Variants in NEK10 observed in about 807,000 individuals in gnomAD.
NEK10 encodes the protein NIMA related kinase 10, also known as serine/threonine-protein kinase Nek10.
NEK10 carries 122 observed loss-of-function variants against 159.8 expected under a neutral mutation model. The observed-to-expected ratio is 0.76, with a 90% CI of 0.66 to 0.89. The LOEUF (loss-of-function observed/expected upper bound fraction) is 0.89. Ranked by LOEUF, NEK10 falls within the 40% of genes least tolerant of loss-of-function variation. The pLI is 0.00. For missense variants in NEK10, 1,342 were observed against 1,323.1 expected (o/e 1.01, Z -0.22); for synonymous variants, 466 against 457.1 (o/e 1.02, Z -0.25).
intron 1 of NEK10, among the ~76,000 whole-genome samples, chr3:27,364,032 C>G (rs182339852): frequency 7.9e-5 from 12 of 151,734 alleles, no homozygotes; most frequent in Admixed American, 7.9e-4. Context: ...TCTTTAGAAC[C>G]GTCAACAACT....
chr3:27,299,204 C>T (rs2043605381), intron 13 of NEK10, among the ~76,000 whole-genome samples: 1 of 152,176 alleles, frequency 6.6e-6, no homozygotes, highest in Admixed American at 6.5e-5. Flanking sequence ...GGTCCCTCTG[C>T]TGTGCGCAGT....
At position 27,246,586 on chromosome 3, in the gene NEK10, ATAAT is replaced by A. The variant is rs554805047; in HGVS notation, c.2090+9706_2090+9709del. Among the ~76,000 whole-genome samples the A allele has an allele frequency of 4.5e-3, 681 of 152,266 alleles. 2 individuals carry two copies. Among genetic ancestry groups the A allele is most frequent in the African/African-American group, 0.015 (625 of 41,540 alleles). ...TACTCTTTCAGTTATTGTAAAATGT[ATAAT>A]TAAATTTTTTTAACTATAGTCACCC... On this transcript the variant is annotated intron_variant, in intron 23 of 35. Transcript: ENST00000691995.
intron 30 of NEK10, among the ~76,000 whole-genome samples, chr3:27,145,362 T>C (rs1448376116): frequency 1.3e-5 from 2 of 152,184 alleles, no homozygotes; most frequent in African/African-American, 2.4e-5. Context: ...GTTTAAAATA[T>C]TGGGATACTT....
chr3:27,263,873 T>G (rs1207044609), intron 22 of NEK10, among the ~76,000 whole-genome samples: 2 of 152,164 alleles, frequency 1.3e-5, no homozygotes, highest in African/African-American at 4.8e-5. Flanking sequence ...AGTACCTCAG[T>G]TGGAAATGCA....
chr3:27,331,262 A>ACAAAAAAAC (rs1553639045), intron 5 of NEK10, among the ~76,000 whole-genome samples: 7 of 110,076 alleles, frequency 6.4e-5, no homozygotes, highest in Non-Finnish European at 1.2e-4. Context: ...AAAAAAAAAA[A>ACAAAAAAAC]ACACACAAAC....
chr3:27,151,412 A>G (rs1944859152), intron 30 of NEK10, among the ~76,000 whole-genome samples: 1 of 152,092 alleles, frequency 6.6e-6, no homozygotes, highest in South Asian at 2.1e-4. Context: ...CACAACAATC[A>G]CTGAGGTTCA....
At chr3:27,251,604 G>C (rs1559363650) in intron 23 of NEK10, among the ~76,000 whole-genome samples, 1 of 152,266 alleles carries the variant, frequency 6.6e-6, no homozygotes, top group East Asian at 1.9e-4. Flanking sequence ...CCAGCGTCAT[G>C]CTTCCTGTGC....
chr3:27,175,697 C>G (rs150092985), intron 26 of NEK10, among the ~76,000 whole-genome samples: 96 of 152,270 alleles, frequency 6.3e-4, no homozygotes, highest in African/African-American at 2.3e-3. Flanking sequence ...GCGTGAAGAG[C>G]CTTTTTAGGC....
chr3:27,162,132 A>G, intron 30 of NEK10: 2 of 257,952 alleles, frequency 7.8e-6, no homozygotes, highest in South Asian at 8.3e-5. Flanking sequence ...TGTAGAGTTT[A>G]CAGAAATACC....
Position 27,192,117 on chromosome 3 carries a change from T to A in NEK10, c.2417A>T (p.Glu806Val). 6.2e-7 allele frequency: 1 copy of A among 1,614,210 alleles called. No individual in the cohort carries two copies. Among genetic ancestry groups the A allele is most frequent in the Non-Finnish European group, 8.5e-7 (1 of 1,180,024 alleles). Residue 806 changes from glutamate (E) to valine (V), a missense_variant, in exon 26 of 36, where the codon GAA becomes GTA. Physicochemically the swap from Glu to Val is moderately radical, Grantham distance 121. Transcript: ENST00000691995. ...TSQLSLEKKL[E>V]RERRRTQRYF... ...CCTTTGTGTGCGTCTTCGTTCCCGT[T>A]CTAGCTTCTTTTCCAAGGACAACTG...
chr3:27,181,738 C>T (rs1369741508), intron 26 of NEK10, among the ~76,000 whole-genome samples: 1 of 152,088 alleles, frequency 6.6e-6, no homozygotes, highest in African/African-American at 2.4e-5. Context: ...TTTGTCTTCT[C>T]TCACTATGAA....
At position 27,322,245 on chromosome 3, in the gene NEK10, C is replaced by A; in HGVS notation, c.379G>T (p.Ala127Ser). ...ACTCTCAGAAAATGAATAGATGGGGCTCGATTAACCCACTCTCTGAAAGAA... is the reference window on the plus strand; with the variant it reads ...ACTCTCAGAAAATGAATAGATGGGGATCGATTAACCCACTCTCTGAAAGAA... The part of the protein sequence containing the change: ...RLISREWVNR[A>S]PSIHFLRVLI... The change falls in exon 6 of 36, where the codon GCC (alanine) becomes TCC (serine). Residue 127 changes from alanine to serine, a missense_variant. By Grantham distance (99) the Ala-to-Ser change is moderately conservative. Transcript: ENST00000691995. The A allele has an allele frequency of 6.5e-7, 1 of 1,546,142 alleles. No individual in the cohort carries two copies. Among genetic ancestry groups the A allele is most frequent in the Non-Finnish European group, 8.8e-7 (1 of 1,137,594 alleles).
At chr3:27,213,545 G>A (rs3112804) in intron 23 of NEK10, among the ~76,000 whole-genome samples, 53 of 152,128 alleles carry the variant, frequency 3.5e-4, no homozygotes, top group African/African-American at 1.2e-3. Flanking sequence ...TAAGCCCCTC[G>A]ACCGAATCCA....
At chr3:27,132,130 C>G in intron 31 of NEK10, 140 bp from the exon 32 acceptor site, 1 of 427,472 alleles carries the variant, frequency 2.3e-6, no homozygotes, top group East Asian at 3.5e-5. Flanking sequence ...CTGCAAATAG[C>G]ATGACTAGAT....
At chr3:27,331,493 T>C (rs948488743) in intron 5 of NEK10, among the ~76,000 whole-genome samples, 5 of 152,166 alleles carry the variant, frequency 3.3e-5, no homozygotes, top group African/African-American at 1.2e-4. Flanking sequence ...ATTAGCTTCA[T>C]CTATTTCAAG....
At chr3:27,297,345 A>C in intron 13 of NEK10, 105 bp from the exon 14 acceptor site, 3 of 730,822 alleles carry the variant, frequency 4.1e-6, no homozygotes, top group Non-Finnish European at 6.8e-6. Flanking sequence ...TGCTATTTTT[A>C]TTAGCAAAGT....
At chr3:27,295,414 G>A (rs1353668690) in intron 15 of NEK10, among the ~76,000 whole-genome samples, 199 bp downstream of exon 15, 1 of 152,080 alleles carries the variant, frequency 6.6e-6, no homozygotes, top group East Asian at 1.9e-4. Context: ...CTCCCACACA[G>A]AGAAACCACT....
At chr3:27,111,588 T>C (rs73153153) in intron 35 of NEK10, among the ~76,000 whole-genome samples, 18,193 of 152,236 alleles carry the variant, frequency 0.12, 3,635 homozygotes, top group African/African-American at 0.41. Flanking sequence ...ATAGCTTGTA[T>C]ACTTGAATAC....
intron 16 of NEK10, among the ~76,000 whole-genome samples, chr3:27,291,888 C>T (rs4456824): frequency 0.37 from 56,027 of 151,992 alleles, 12,610 homozygotes; most frequent in African/African-American, 0.65. Context: ...GTGATCCGCC[C>T]GTCTTGGCCT....
Sources: gnomAD v4.1 joint callset for allele counts (sites outside exome capture counted in the v4.1 genomes callset) on GRCh38, gnomAD v4.1.1 for gene constraint, MANE v1.5 for transcripts, NCBI Gene and HGNC (gene_info 2026-07-23, HGNC 2026-07-21) for gene names.